MIPEP: variants seen among roughly 807,000 people sequenced by gnomAD.
The protein encoded by MIPEP is mitochondrial intermediate peptidase.
Under a neutral mutation model 90.3 loss-of-function variants are expected in MIPEP, and 79 were observed. That is an observed-to-expected ratio of 0.87 (90% CI 0.73 to 1.05). The LOEUF (loss-of-function observed/expected upper bound fraction) is 1.05, where lower values mean the gene tolerates loss of function less well. MIPEP is among the 50% of genes least tolerant of loss of function. The pLI, the probability that MIPEP is intolerant of heterozygous loss-of-function variation, is 0.00. For missense variants in MIPEP, 940 were observed against 905.6 expected, an observed-to-expected ratio of 1.04 and a Z score of -0.49; for synonymous variants, 334 against 315.8, an observed-to-expected ratio of 1.06 and a Z score of -0.61.
chr13:23,788,517 G>A (rs1447208717), intron 16 of MIPEP, among the ~76,000 whole-genome samples: 2 of 152,204 alleles, frequency 1.3e-5, no homozygotes, highest in Non-Finnish European at 2.9e-5. Flanking sequence ...GAAGGCCACA[G>A]CCTAGGAATG....
At chr13:23,811,588 T>C (rs1262781058) in intron 14 of MIPEP, among the ~76,000 whole-genome samples, 1 of 152,222 alleles carries the variant, frequency 6.6e-6, no homozygotes, top group Non-Finnish European at 1.5e-5. Context: ...TGCTTTTCTA[T>C]AAGTTGCTCA....
At chr13:23,881,176 C>A (rs1264472289) in intron 3 of MIPEP, among the ~76,000 whole-genome samples, 1 of 152,254 alleles carries the variant, frequency 6.6e-6, no homozygotes, top group African/African-American at 2.4e-5. Flanking sequence ...TCCCTAGACT[C>A]CCCTAATTCC....
At chr13:23,761,588 G>A (rs180975295) in intron 16 of MIPEP, among the ~76,000 whole-genome samples, 7 of 152,264 alleles carry the variant, frequency 4.6e-5, no homozygotes, top group African/African-American at 1.7e-4. Flanking sequence ...CTCTTTTTCT[G>A]TTGCTAAAGT....
chr13:23,839,083 A>G (rs750083919), intron 12 of MIPEP, among the ~76,000 whole-genome samples: 2 of 152,266 alleles, frequency 1.3e-5, no homozygotes, highest in African/African-American at 4.8e-5. Flanking sequence ...AAGTCGGCCA[A>G]TGCTAAAGAA....
Position 23,825,516 on chromosome 13 carries a change from A to G in MIPEP, c.1653+10724T>C, listed in dbSNP as rs140777324. Among the ~76,000 whole-genome samples, 334 of 152,348 alleles carry G rather than the reference A, an allele frequency of 2.2e-3. 2 individuals are homozygous for G. Among genetic ancestry groups the G allele is most frequent in the African/African-American group, 7.5e-3 (310 of 41,570 alleles). ...AAGCACTAGAATGTTACTGTTCTAA[A>G]AATAACACTTAAAGTAGATATGGGG... is the stretch of plus-strand genomic sequence containing the variant. On this transcript the variant is annotated intron_variant, in intron 14 of 18. Coordinates refer to ENST00000382172, the MANE Select transcript of MIPEP (RefSeq NM_005932.4).
At chr13:23,770,196 A>C (rs9553059) in intron 16 of MIPEP, among the ~76,000 whole-genome samples, 106,083 of 151,990 alleles carry the variant, frequency 0.7, 39,661 homozygotes, top group Non-Finnish European at 0.83. Flanking sequence ...TCCTCAGACC[A>C]TGTCCTGCTC....
chr13:23,846,786 T>C (rs537453611), intron 10 of MIPEP, among the ~76,000 whole-genome samples: 1 of 151,796 alleles, frequency 6.6e-6, no homozygotes, highest in East Asian at 1.9e-4. Context: ...TGCCCATTTT[T>C]CCCTAAATTT....
rs532850162 is a variant in MIPEP, at chr13:23,762,892, T to C, written c.1849-2675A>G. On this transcript the variant is annotated intron_variant, in intron 16 of 18. Coordinates refer to ENST00000382172, the MANE Select transcript of MIPEP (RefSeq NM_005932.4). ...ACAGATGCCATGCCCTTGGTAGAGC[T>C]GTGCCCTAGGTGGGAGGAGCTGGAC... 1.8e-4 allele frequency among the ~76,000 whole-genome samples: 28 copies of C among 152,324 alleles called. No individual in the cohort carries two copies. The South Asian group carries it at 5.0e-3, about 27-fold the overall frequency.
chr13:23,739,324 G>A (rs1454982562), intron 18 of MIPEP, among the ~76,000 whole-genome samples: 1 of 152,228 alleles, frequency 6.6e-6, no homozygotes. Flanking sequence ...CAGACGGGAG[G>A]TGCCCTTTGG....
chr13:23,779,815 G>A (rs1036757907), intron 16 of MIPEP, among the ~76,000 whole-genome samples: 3 of 152,182 alleles, frequency 2.0e-5, no homozygotes, highest in African/African-American at 7.2e-5. Context: ...ATTATATCCC[G>A]CGCCTGGCTC....
chr13:23,781,900 G>A (rs566624330), intron 16 of MIPEP, among the ~76,000 whole-genome samples: 5 of 152,148 alleles, frequency 3.3e-5, no homozygotes, highest in Non-Finnish European at 7.3e-5. Context: ...AACAAGAAGA[G>A]CTAACTATTT....
rs193167801 is a variant in MIPEP at position 23,820,139 on chromosome 13, C to T, written c.1654-10215G>A. Among the ~76,000 whole-genome samples the T allele has an allele frequency of 9.6e-4, 146 of 152,272 alleles. 2 individuals are homozygous for T. The highest frequency in any genetic ancestry group is 4.1e-3 in the South Asian group (20 of 4,824). ...AATGGGTTAAGTGTGAGAAACTCTT[C>T]GAGCACTCTTAATTTTGTATCTATA... On this transcript the variant is annotated intron_variant, in intron 14 of 18. Coordinates refer to ENST00000382172, the MANE Select transcript of MIPEP (RefSeq NM_005932.4).
At chr13:23,769,420 T>C (rs1443942796) in intron 16 of MIPEP, among the ~76,000 whole-genome samples, 2 of 152,130 alleles carry the variant, frequency 1.3e-5, no homozygotes, top group Non-Finnish European at 2.9e-5. Flanking sequence ...GAAAAGGACA[T>C]GAGTGCCCTT....
chr13:23,863,199 A>C (rs1031211022), intron 8 of MIPEP, among the ~76,000 whole-genome samples: 2 of 152,228 alleles, frequency 1.3e-5, no homozygotes, highest in African/African-American at 4.8e-5. Context: ...ATCCTTTTTT[A>C]CAAACGGTGA....
intron 16 of MIPEP, among the ~76,000 whole-genome samples, chr13:23,766,597 T>C (rs1952593318): frequency 6.6e-6 from 1 of 152,232 alleles, no homozygotes; most frequent in Admixed American, 6.5e-5. Context: ...ACTCACTCTC[T>C]CAATGTGTGG....
intron 18 of MIPEP, among the ~76,000 whole-genome samples, chr13:23,737,640 T>G (rs567424940): frequency 6.6e-6 from 1 of 152,340 alleles, no homozygotes; most frequent in South Asian, 2.1e-4. Context: ...GACCTTCATT[T>G]AAAAATCAGC....
At chr13:23,794,555 C>T (rs147504394) in intron 16 of MIPEP, among the ~76,000 whole-genome samples, 32 of 152,184 alleles carry the variant, frequency 2.1e-4, no homozygotes, top group African/African-American at 7.7e-4. Context: ...ATCTAAAAGA[C>T]ACATGTGCAT....
intron 18 of MIPEP, among the ~76,000 whole-genome samples, chr13:23,748,247 T>C (rs967906395): frequency 2.0e-5 from 3 of 152,222 alleles, no homozygotes; most frequent in Admixed American, 6.5e-5. Context: ...ATTGCTCTTT[T>C]AAGTCTATTT....
At chr13:23,860,515 G>C (rs906612639) in intron 9 of MIPEP, among the ~76,000 whole-genome samples, 4 of 152,230 alleles carry the variant, frequency 2.6e-5, no homozygotes, top group Non-Finnish European at 5.9e-5. Context: ...GATGAAGCTA[G>C]AGAAGGAGGC....
Sources: gnomAD v4.1 joint callset for allele counts (sites outside exome capture counted in the v4.1 genomes callset) on GRCh38, gnomAD v4.1.1 for gene constraint, MANE v1.5 for transcripts, NCBI Gene and HGNC (gene_info 2026-07-23, HGNC 2026-07-21) for gene names.